FYN: variants seen among roughly 807,000 people sequenced by gnomAD.
FYN encodes the protein tyrosine-protein kinase Fyn.
A neutral mutation model predicts 70.2 loss-of-function variants in FYN; 10 were observed. The observed-to-expected ratio is 0.14, with a 90% confidence interval of 0.09 to 0.24. The LOEUF is 0.24. Among genes scored for constraint, FYN ranks in the 10% least tolerant of loss-of-function variants. The pLI is 1.00. For synonymous variants in FYN, 236 were observed against 248.6 expected, an observed-to-expected ratio of 0.95 and a Z score of 0.48; for missense variants, 319 against 673.1, an observed-to-expected ratio of 0.47 and a Z score of 5.82.
At chr6:111,829,680 A>G (rs1772953043) in intron 2 of FYN, among the ~76,000 whole-genome samples, 1 of 152,218 alleles carries the variant, frequency 6.6e-6, no homozygotes, top group Non-Finnish European at 1.5e-5. Flanking sequence ...TAGACAAGTT[A>G]TTTAGCTTCC....
At chr6:111,841,113 G>A (rs111388038) in intron 2 of FYN, among the ~76,000 whole-genome samples, 2,218 of 152,320 alleles carry the variant, frequency 0.015, 24 homozygotes, top group Admixed American at 0.027. Context: ...CCCCAAGTCT[G>A]GGAACCAGCA....
intron 2 of FYN, among the ~76,000 whole-genome samples, chr6:111,792,553 G>A (rs72942180): frequency 0.012 from 1,885 of 152,262 alleles, 9 homozygotes; most frequent in South Asian, 0.023. Flanking sequence ...CCCCAAACTC[G>A]AAATAACTCA....
chr6:111,703,649 A>T lies in FYN; in HGVS notation c.547+350T>A, dbSNP rs963134918. On this transcript the variant is annotated intron_variant, in intron 7 of 13. Coordinates refer to ENST00000354650, the MANE Select transcript of FYN (RefSeq NM_002037.5). ...TGAAGTCCTCAGTTATTTAAAAAACAAAAGGAAAGCAAAAACAACCTGTAT... is the reference window on the plus strand; with the variant it reads ...TGAAGTCCTCAGTTATTTAAAAAACTAAAGGAAAGCAAAAACAACCTGTAT... Among the ~76,000 whole-genome samples the T allele has an allele frequency of 2.0e-5, 3 of 152,244 alleles. No individual in the cohort carries two copies. In the East Asian group the frequency reaches 5.8e-4, roughly 29 times the overall value.
At chr6:111,714,261 G>A in intron 5 of FYN, 86 bp downstream of exon 5, 2 of 807,300 alleles carry the variant, frequency 2.5e-6, no homozygotes, top group South Asian at 2.9e-5. Context: ...TAGCATTTCA[G>A]ACATCTGAAG....
chr6:111,797,917 C>T (rs981228588), intron 2 of FYN, among the ~76,000 whole-genome samples: 1 of 151,746 alleles, frequency 6.6e-6, no homozygotes, highest in Non-Finnish European at 1.5e-5. Context: ...CATGTGCCAC[C>T]ATGTCCAGCT....
chr6:111,677,852 T>C (rs752357648), intron 12 of FYN, among the ~76,000 whole-genome samples: 6 of 152,184 alleles, frequency 3.9e-5, no homozygotes, highest in Non-Finnish European at 8.8e-5. Context: ...CACTTTGAAA[T>C]TCTTCTGCTT....
chr6:111,842,679 T>G (rs920292798), intron 2 of FYN, among the ~76,000 whole-genome samples: 3 of 152,212 alleles, frequency 2.0e-5, no homozygotes, highest in Admixed American at 2.0e-4. Context: ...TTCCCACCTC[T>G]TAACCAGCTG....
At chr6:111,690,951 T>C (rs1799288844) in intron 12 of FYN, among the ~76,000 whole-genome samples, 1 of 152,220 alleles carries the variant, frequency 6.6e-6, no homozygotes, top group African/African-American at 2.4e-5. Flanking sequence ...CTTTCATAGA[T>C]AAGGCACTCA....
At chr6:111,766,754 C>T (rs991175068) in intron 3 of FYN, among the ~76,000 whole-genome samples, 4 of 152,138 alleles carry the variant, frequency 2.6e-5, no homozygotes, top group African/African-American at 7.2e-5. Context: ...CTTACTATCA[C>T]GAAAACAGCA....
chr6:111,825,092 T>C (rs890493225), intron 2 of FYN, among the ~76,000 whole-genome samples: 1 of 152,136 alleles, frequency 6.6e-6, no homozygotes, highest in African/African-American at 2.4e-5. Context: ...CTCTGATGCG[T>C]AGGAATGGTG....
At chr6:111,685,819 CA>C (rs943205745) in intron 12 of FYN, among the ~76,000 whole-genome samples, 11 of 152,124 alleles carry the variant, frequency 7.2e-5, no homozygotes, top group Non-Finnish European at 1.3e-4. Flanking sequence ...CAAAACAGCA[CA>C]AAGGAGAAAG....
At position 111,698,739 on chromosome 6, in the gene FYN, A is replaced by C. The variant is rs565440368; in HGVS notation, c.862+1365T>G. ...TCTCTACTGAATATCTACTATCTGC[A>C]AGGGACTTTAAACATATTAACCCAT... On this transcript the variant is annotated intron_variant, in intron 9 of 13. Transcript: ENST00000354650. Among the ~76,000 whole-genome samples the C allele has an allele frequency of 2.0e-5, 3 of 152,332 alleles. No individual in the cohort carries two copies. The South Asian group carries it at 6.2e-4, about 32-fold the overall frequency.
At position 111,702,928 on chromosome 6, in the gene FYN, C is replaced by G; in HGVS notation, c.654G>C (p.Arg218=). 1.9e-6 allele frequency: 3 copies of G among 1,614,050 alleles called. No homozygotes were observed. Among genetic ancestry groups the G allele is most frequent in the Non-Finnish European group, 2.5e-6 (3 of 1,179,994 alleles). Residue 218 remains arginine (R), a synonymous_variant, in exon 8 of 14, where the codon CGG becomes CGC. Transcript: ENST00000354650. ...LDNGGYYITT[R]AQFETLQQLV... is the part of the protein sequence containing the mutation. Reference sequence around the variant, plus strand: ...GCTGCTGAAGTGTTTCAAACTGGGCCCGGGTGGTAATGTAGTATCCACCAT... The same window carrying G: ...GCTGCTGAAGTGTTTCAAACTGGGCGCGGGTGGTAATGTAGTATCCACCAT...
intron 2 of FYN, among the ~76,000 whole-genome samples, chr6:111,799,709 G>C (rs933987117): frequency 1.3e-5 from 2 of 152,202 alleles, no homozygotes; most frequent in African/African-American, 4.8e-5. Flanking sequence ...TGCCTGTCCA[G>C]AGCCACTGAG....
chr6:111,714,192 G>C (rs1490331742), intron 5 of FYN, among the ~76,000 whole-genome samples, 155 bp downstream of exon 5: 2 of 152,192 alleles, frequency 1.3e-5, no homozygotes, highest in East Asian at 1.9e-4. Context: ...CTGTGTCACT[G>C]ACTCTTCTTT....
At chr6:111,745,998 T>A (rs781169801) in intron 3 of FYN, among the ~76,000 whole-genome samples, 1 of 152,220 alleles carries the variant, frequency 6.6e-6, no homozygotes. Context: ...CACTGTGTAT[T>A]GCAGCACCAG....
chr6:111,845,782 G>A (rs375314720), intron 2 of FYN, among the ~76,000 whole-genome samples: 13 of 152,294 alleles, frequency 8.5e-5, no homozygotes, highest in Non-Finnish European at 1.8e-4. Context: ...CGAAAAGGAC[G>A]CCTGGGTGGC....
At chr6:111,727,154 C>A (rs1299370216) in intron 3 of FYN, among the ~76,000 whole-genome samples, 3 of 152,174 alleles carry the variant, frequency 2.0e-5, no homozygotes, top group African/African-American at 7.2e-5. Context: ...ACATTCCATT[C>A]CCCCAAGACA....
intron 12 of FYN, among the ~76,000 whole-genome samples, chr6:111,691,210 G>A (rs894034365): frequency 3.9e-5 from 6 of 152,118 alleles, no homozygotes; most frequent in South Asian, 4.1e-4. Flanking sequence ...GGGATGGTGC[G>A]AAGTAAGGAG....
Sources: allele counts gnomAD v4.1 joint callset (sites outside exome capture counted in the v4.1 genomes callset), GRCh38; gene constraint gnomAD v4.1.1; transcripts MANE v1.5; gene names NCBI Gene and HGNC (gene_info 2026-07-23, HGNC 2026-07-21).